The following KMO variants were observed in gnomAD, a reference collection of about 807,000 sequenced individuals.
KMO encodes kynurenine 3-hydroxylase.
A neutral mutation model predicts 57.8 loss-of-function variants in KMO; 24 were observed. The observed-to-expected ratio is 0.42, with a 90% CI of 0.30 to 0.58. The LOEUF is 0.58. Among genes scored for constraint, KMO ranks in the 20% least tolerant of loss-of-function variants. The pLI, the probability that KMO is intolerant of heterozygous loss-of-function variation, is 0.22. For synonymous variants in KMO, 210 were observed against 193.6 expected (o/e 1.08, Z -0.70); for missense variants, 483 against 588.2 (o/e 0.82, Z 1.85).
chr1:241,562,558 G>A (rs1661888644), intron 7 of KMO, among the ~76,000 whole-genome samples: 1 of 152,220 alleles, frequency 6.6e-6, no homozygotes. Context: ...GAAAGGAGCA[G>A]TCTGGGCACA....
chr1:241,586,460 A>G (rs1021332977), intron 10 of KMO: 13 of 473,160 alleles, frequency 2.7e-5, no homozygotes, highest in African/African-American at 2.4e-4. Context: ...TCGGCCTCCC[A>G]AAGTGCTGGG....
Position 241,549,746 on chromosome 1 carries a change from C to A in KMO, c.194C>A (p.Ala65Asp), listed in dbSNP as rs1401818211. 1.9e-6 allele frequency: 3 copies of A among 1,612,162 alleles called. No homozygotes were observed. The highest frequency in any genetic ancestry group is 1.3e-5 in the African/African-American group (1 of 74,838). The change falls in exon 3 of 15, where the codon GCC (alanine) becomes GAC (aspartate). Residue 65 changes from alanine (A) to aspartate (D), a missense_variant. By Grantham distance (126) the Ala-to-Asp change is moderately radical (BLOSUM62 -2). Transcript: ENST00000366559. Reference protein sequence around the residue: ...NLALSHRGRQALKAVGLEDQI... With the variant: ...NLALSHRGRQDLKAVGLEDQI... Reference sequence around the variant, plus strand: ...GCCCTTTCTCATAGAGGACGACAAGCCTTGAAAGCTGTTGGCCTGGAAGAT... The same window carrying A: ...GCCCTTTCTCATAGAGGACGACAAGACTTGAAAGCTGTTGGCCTGGAAGAT...
intron 6 of KMO, among the ~76,000 whole-genome samples, chr1:241,561,520 G>A (rs773466320): frequency 1.3e-5 from 2 of 152,056 alleles, no homozygotes; most frequent in Non-Finnish European, 2.9e-5. Flanking sequence ...CAGTACTTCC[G>A]GCTCTCATTC....
intron 12 of KMO, among the ~76,000 whole-genome samples, chr1:241,589,595 T>C (rs1663164952): frequency 6.6e-6 from 1 of 152,206 alleles, no homozygotes; most frequent in African/African-American, 2.4e-5. Context: ...ACACAGTATC[T>C]GTCCTAAAAG....
chr1:241,544,707 T>C (rs1157850709), intron 1 of KMO, among the ~76,000 whole-genome samples: 2 of 152,272 alleles, frequency 1.3e-5, no homozygotes, highest in African/African-American at 4.8e-5. Context: ...TTACATTGAT[T>C]TTTACCTGTG....
intron 1 of KMO, among the ~76,000 whole-genome samples, chr1:241,541,851 A>G (rs1424756663): frequency 6.6e-6 from 1 of 152,202 alleles, no homozygotes; most frequent in African/African-American, 2.4e-5. Context: ...TTTCATGACC[A>G]AATATGGATT....
intron 9 of KMO, among the ~76,000 whole-genome samples, chr1:241,567,645 A>T (rs1662133112): frequency 6.6e-6 from 1 of 152,162 alleles, no homozygotes; most frequent in Non-Finnish European, 1.5e-5. Context: ...ATTTGTGAAA[A>T]TTAAATGAGC....
chr1:241,564,992 CA>C lies in KMO; in HGVS notation c.622del (p.Met208TrpfsTer15). The C allele has an allele frequency of 6.3e-7, 1 of 1,599,430 alleles. No homozygotes were observed. Among genetic ancestry groups the C allele is most frequent in the Non-Finnish European group, 8.6e-7 (1 of 1,167,192 alleles). ...TIPPKNGDYAMEPNYLHIWPR... is the reference protein window; with the variant it reads ...TIPPKNGDYAXEPNYLHIWPR... Reference sequence around the variant, plus strand: ...ATATATTCTTTTTTCTGCAGTATGCCATGGAACCTAATTATCTGCATATTTG... The same window carrying C: ...ATATATTCTTTTTTCTGCAGTATGCCTGGAACCTAATTATCTGCATATTTG... On this transcript the variant is annotated frameshift_variant, in exon 8 of 15. Coordinates refer to ENST00000366559, the MANE Select transcript of KMO (RefSeq NM_003679.5). LOFTEE classifies it high-confidence loss of function.
intron 10 of KMO, among the ~76,000 whole-genome samples, chr1:241,581,024 A>G (rs766570830): frequency 2.0e-5 from 3 of 152,080 alleles, no homozygotes; most frequent in Non-Finnish European, 4.4e-5. Context: ...TTGGATGCAT[A>G]GATATTTACT....
chr1:241,591,427 A>C (rs1663295428), intron 14 of KMO, among the ~76,000 whole-genome samples: 1 of 148,160 alleles, frequency 6.7e-6, no homozygotes, highest in East Asian at 1.9e-4. Flanking sequence ...TTCTCTGTCA[A>C]AAAAAAAAAA....
intron 10 of KMO, among the ~76,000 whole-genome samples, chr1:241,582,942 G>C (rs1378868384): frequency 6.6e-6 from 1 of 152,086 alleles, no homozygotes; most frequent in African/African-American, 2.4e-5. Flanking sequence ...GTATTCCAAG[G>C]GGAATGAGTG....
At chr1:241,560,008 G>A (rs546895913) in intron 5 of KMO, among the ~76,000 whole-genome samples, 1 of 152,226 alleles carries the variant, frequency 6.6e-6, no homozygotes, top group Non-Finnish European at 1.5e-5. Flanking sequence ...CATTAATAGG[G>A]ACAAAATCAC....
rs143220171 is a variant in KMO at position 241,563,016 on chromosome 1, C to T, written c.615+684C>T. Among the ~76,000 whole-genome samples the T allele has an allele frequency of 3.0e-3, 462 of 152,200 alleles. 2 individuals are homozygous for T. The highest frequency in any genetic ancestry group is 0.01 in the African/African-American group (433 of 41,522). ...AACACATAAAGGATTTAAATAATAT[C>T]GTTTGTCTATGTTCTCTTGGGAGAA... On this transcript the variant is annotated intron_variant, in intron 7 of 14. Transcript: ENST00000366559.
At chr1:241,551,527 C>A (rs1048886609) in intron 4 of KMO, among the ~76,000 whole-genome samples, 2 of 152,140 alleles carry the variant, frequency 1.3e-5, no homozygotes, top group Admixed American at 1.3e-4. Context: ...AGAACAGAGG[C>A]CAGATGAAGA....
At chr1:241,551,802 C>T (rs1661400861) in intron 4 of KMO, among the ~76,000 whole-genome samples, 1 of 152,184 alleles carries the variant, frequency 6.6e-6, no homozygotes, top group African/African-American at 2.4e-5. Flanking sequence ...CTCTGACCCT[C>T]AGCAGAGCTC....
intron 6 of KMO, 108 bp downstream of exon 6, chr1:241,560,860 A>C: frequency 1.3e-6 from 1 of 762,200 alleles, no homozygotes; most frequent in African/African-American, 1.7e-5. Context: ...AGATTATTGA[A>C]AGGATCATCC....
In KMO at chr1:241,594,322, G is replaced by A. The variant is rs1663428592; in HGVS notation, c.*2169G>A. 3 of 1,262,884 alleles carry A rather than the reference G, an allele frequency of 2.4e-6. No individual in the cohort carries two copies. The highest frequency in any genetic ancestry group is 4.7e-5 in the East Asian group (2 of 42,850). 78.2% of individuals were successfully genotyped at this position (1,262,884 alleles called of 1,614,324 possible). A position where few individuals can be genotyped will look rare whatever the true frequency, so the allele number is the denominator to read the frequency against. On this transcript the variant is annotated 3_prime_UTR_variant, in exon 15 of 15. Coordinates refer to ENST00000366559, the MANE Select transcript of KMO (RefSeq NM_003679.5). ...TTCGGATTTCCTGCTGGACCACAAG[G>A]TTCTGTTGATATTACATAGAACGGG...
intron 7 of KMO, among the ~76,000 whole-genome samples, chr1:241,563,203 G>C (rs1395200086): frequency 1.3e-5 from 2 of 152,108 alleles, no homozygotes; most frequent in Non-Finnish European, 2.9e-5. Flanking sequence ...TATGTGACTG[G>C]AGGCAAATAA....
intron 10 of KMO, among the ~76,000 whole-genome samples, chr1:241,576,039 A>G (rs1457405334): frequency 6.9e-6 from 1 of 144,740 alleles, no homozygotes; most frequent in African/African-American, 2.6e-5. Context: ...TTTTTTTTTA[A>G]CTGTTGTTTT....
Sources: allele counts gnomAD v4.1 joint callset (sites outside exome capture counted in the v4.1 genomes callset), GRCh38; gene constraint gnomAD v4.1.1; transcripts MANE v1.5; gene names NCBI Gene and HGNC (gene_info 2026-07-23, HGNC 2026-07-21).